The following MTA1 variants were observed in gnomAD, a reference collection of about 807,000 sequenced individuals.
The protein encoded by MTA1 is metastasis associated 1.
Under a neutral mutation model 97.0 loss-of-function variants are expected in MTA1, and 15 were observed. That is an observed-to-expected ratio of 0.15 (90% confidence interval 0.10 to 0.24). The LOEUF (loss-of-function observed/expected upper bound fraction) is 0.24, where lower values mean the gene tolerates loss of function less well. MTA1 is among the 10% of genes least tolerant of loss of function. The pLI is 1.00. For synonymous variants in MTA1, 435 were observed against 417.5 expected (o/e 1.04, Z -0.51); for missense variants, 709 against 1,015.1 (o/e 0.70, Z 4.10).
In MTA1 at chr14:105,458,349, C is replaced by G. The variant is rs782224892; in HGVS notation, c.630C>G (p.Ile210Met). ...ACAACCCACTCACAGACAAGCAGATCGACCAGTTCCTGGTGGTGGCCCGGT... is the reference window on the plus strand; with the variant it reads ...ACAACCCACTCACAGACAAGCAGATGGACCAGTTCCTGGTGGTGGCCCGGT... The part of the protein sequence containing the change: ...EAHNPLTDKQ[I>M]DQFLVVARSV... Residue 210 changes from isoleucine to methionine, a missense_variant, in exon 8 of 21, where the codon ATC (isoleucine) becomes ATG (methionine). Ile to Met is a conservative substitution (Grantham distance 10). Transcript: ENST00000331320. 3.0e-5 allele frequency: 48 copies of G among 1,612,742 alleles called. No individual in the cohort carries two copies. The South Asian group carries it at 4.6e-4, about 15-fold the overall frequency.
chr14:105,421,273 C>G (rs2081826017), intron 1 of MTA1, among the ~76,000 whole-genome samples: 1 of 152,182 alleles, frequency 6.6e-6, no homozygotes, highest in Non-Finnish European at 1.5e-5. Flanking sequence ...TGTGTGGACC[C>G]AGGTGCGCTG....
chr14:105,430,621 CA>C (rs1174869917), intron 1 of MTA1, among the ~76,000 whole-genome samples: 1 of 152,148 alleles, frequency 6.6e-6, no homozygotes, highest in Non-Finnish European at 1.5e-5. Context: ...TTGTAAGAAA[CA>C]CAATACCTGC....
chr14:105,469,667 C>A, intron 19 of MTA1, 169 bp downstream of exon 19: 2 of 1,207,654 alleles, frequency 1.7e-6, no homozygotes, highest in Non-Finnish European at 2.3e-6. Context: ...GTGCCAGGCC[C>A]AGCGGTGTGC....
rs587618745 is a variant in MTA1 at position 105,424,217 on chromosome 14, C to T, written c.28+4154C>T. 1.7e-4 allele frequency among the ~76,000 whole-genome samples: 26 copies of T among 152,326 alleles called. No homozygotes were observed. The highest frequency in any genetic ancestry group is 9.6e-4 in the East Asian group (5 of 5,186). ...TTGCTCCACCTTTGTTTTTTTGAGA[C>T]GGAGTCTCGCTCTGTCCCCCAGGCT... On this transcript the variant is annotated intron_variant, in intron 1 of 20. Transcript: ENST00000331320. This position sits in a 1 kb window ranked among gnomAD's most constrained non-coding sequence, Gnocchi z 4.0.
intron 18 of MTA1, 176 bp downstream of exon 18, chr14:105,466,918 G>C (rs2083615337): frequency 1.5e-6 from 1 of 669,220 alleles, no homozygotes; most frequent in African/African-American, 1.9e-5. Context: ...CCTTGGTGAA[G>C]ACCCCCCGAG....
In MTA1 at chr14:105,422,145, TC is replaced by T. The variant is rs1555421139; in HGVS notation, c.28+2084del. 6.6e-6 allele frequency among the ~76,000 whole-genome samples: 1 copy of T among 152,112 alleles called. No homozygotes were observed. The highest frequency in any genetic ancestry group is 1.9e-4 in the East Asian group (1 of 5,178). ...CCCCCACGTGCCCGCCCCGAGGACT[TC>T]CTCTCCCTGCAGGTGAGACTGTAGG... On this transcript the variant is annotated intron_variant, in intron 1 of 20. Coordinates refer to ENST00000331320, the MANE Select transcript of MTA1 (RefSeq NM_004689.4). The surrounding 1 kb of genome is among the most constrained non-coding windows in gnomAD (Gnocchi z 4.3).
At chr14:105,445,365 G>A in intron 2 of MTA1, 53 bp from the exon 3 acceptor site, 1 of 1,558,212 alleles carries the variant, frequency 6.4e-7, no homozygotes, top group Non-Finnish European at 8.8e-7. Flanking sequence ...CCTGGGAGCT[G>A]TGCAGCCCGG....
chr14:105,450,218 G>T, intron 5 of MTA1, 34 bp downstream of exon 5: 1 of 1,611,116 alleles, frequency 6.2e-7, no homozygotes, highest in Non-Finnish European at 8.5e-7. Flanking sequence ...TGGGCCCCTC[G>T]GGCTGCCCTC....
chr14:105,466,493 G>A lies in MTA1; in HGVS notation c.1692G>A (p.Thr564=), dbSNP rs375221067. 1.4e-5 allele frequency: 22 copies of A among 1,557,846 alleles called. No individual in the cohort carries two copies. The highest frequency in any genetic ancestry group is 3.4e-5 in the South Asian group (3 of 88,204). ...KSVSSVLSSL[T]PAKVAPVINN... is the part of the protein sequence containing the mutation. ...TGTCCAGCGTGCTCAGCAGCCTGAC[G>A]CCCGCCAAGGTGGCCCCCGTCATCA... Residue 564 remains threonine (T), a synonymous_variant, in exon 17 of 21, where the codon ACG becomes ACA. Coordinates refer to ENST00000331320, the MANE Select transcript of MTA1 (RefSeq NM_004689.4).
At chr14:105,458,239 G>A (rs368065109) in intron 7 of MTA1, 31 bp from the exon 8 acceptor site, 34 of 1,598,022 alleles carry the variant, frequency 2.1e-5, no homozygotes, top group African/African-American at 1.3e-4. Context: ...GTGGGACCCC[G>A]TCTCAGAAAG....
chr14:105,439,925 G>C (rs897634803), intron 2 of MTA1, among the ~76,000 whole-genome samples: 3 of 152,186 alleles, frequency 2.0e-5, no homozygotes, highest in Admixed American at 6.5e-5. Flanking sequence ...AGGGGGCAGC[G>C]GGGGGAAGGT....
chr14:105,432,746 C>A (rs188153680), intron 1 of MTA1, among the ~76,000 whole-genome samples: 115 of 152,328 alleles, frequency 7.5e-4, no homozygotes, highest in African/African-American at 2.6e-3. Context: ...TTGGCAACAG[C>A]TCATGTTTAA....
At chr14:105,460,001 T>G (rs868974253) in intron 8 of MTA1, among the ~76,000 whole-genome samples, 55 of 17,060 alleles carry the variant, frequency 3.2e-3, no homozygotes, top group South Asian at 7.0e-3. Context: ...CCTGGGGAGC[T>G]GTGTGCCTGG....
chr14:105,463,950 C>T lies in MTA1; in HGVS notation c.1077-82C>T, dbSNP rs2083460258. 16 of 1,366,692 alleles carry T rather than the reference C, an allele frequency of 1.2e-5. No individual in the cohort carries two copies. The highest frequency in any genetic ancestry group is 1.7e-5 in the Non-Finnish European group (16 of 959,588). 84.7% of individuals were successfully genotyped at this position (1,366,692 alleles called of 1,614,324 possible). On this transcript the variant is annotated intron_variant, in intron 12 of 20. Coordinates refer to ENST00000331320, the MANE Select transcript of MTA1 (RefSeq NM_004689.4). The surrounding 1 kb of genome is among the most constrained non-coding windows in gnomAD (Gnocchi z 5.9). ...GACGTGGTTCTGGACAAGGGGTGGT[C>T]AGCCGCGGTGCCTGCTGGGCACATG...
At chr14:105,461,225 T>C (rs2083335908) in intron 10 of MTA1, among the ~76,000 whole-genome samples, 1 of 152,152 alleles carries the variant, frequency 6.6e-6, no homozygotes, top group African/African-American at 2.4e-5. Flanking sequence ...AGGATAAGGG[T>C]TGGCCCAGGT....
chr14:105,446,350 G>C (rs1266873492), intron 3 of MTA1, among the ~76,000 whole-genome samples: 2 of 152,228 alleles, frequency 1.3e-5, no homozygotes, highest in African/African-American at 4.8e-5. Flanking sequence ...GCTGTGGTCT[G>C]TAGGGTGACA....
At chr14:105,456,360 C>T (rs2083152747) in intron 7 of MTA1, among the ~76,000 whole-genome samples, 1 of 152,232 alleles carries the variant, frequency 6.6e-6, no homozygotes. Context: ...GTGCCCCCAT[C>T]TTACCATGCA....
At position 105,420,288 on chromosome 14, in the gene MTA1, GGGGGGCGGCCCACCTGTTGGGGCCGA is replaced by G. The variant is rs1181188896; in HGVS notation, c.28+236_28+261del. On this transcript the variant is annotated intron_variant, in intron 1 of 20. Coordinates refer to ENST00000331320, the MANE Select transcript of MTA1 (RefSeq NM_004689.4). The surrounding 1 kb of genome is among the most constrained non-coding windows in gnomAD (Gnocchi z 5.3). ...GGGCGGGGCTCGGCGGCCCGGGGGT[GGGGGGCGGCCCACCTGTTGGGGCCGA>G]GGGGGCGGCCGCGGGGGTGGCGGGG... Among the ~76,000 whole-genome samples, 4 of 149,742 alleles carry G rather than the reference GGGGGGCGGCCCACCTGTTGGGGCCGA, an allele frequency of 2.7e-5. No individual in the cohort carries two copies. Among genetic ancestry groups the G allele is most frequent in the African/African-American group, 7.3e-5 (3 of 41,154 alleles).
chr14:105,458,837 A>G (rs1311016353), intron 8 of MTA1, among the ~76,000 whole-genome samples: 2 of 152,208 alleles, frequency 1.3e-5, no homozygotes, highest in African/African-American at 4.8e-5. Context: ...GCGGCTGCCA[A>G]TCTATCGGGA....
Sources: gnomAD v4.1 joint callset for allele counts (sites outside exome capture counted in the v4.1 genomes callset) on GRCh38, gnomAD v4.1.1 for gene constraint, Gnocchi (gnomAD v3.1) non-coding constraint, MANE v1.5 for transcripts, NCBI Gene and HGNC (gene_info 2026-07-23, HGNC 2026-07-21) for gene names.